CXCL13: variants seen among roughly 807,000 people sequenced by gnomAD.
The protein encoded by CXCL13 is C-X-C motif chemokine ligand 13.
A neutral mutation model predicts 12.2 loss-of-function variants in CXCL13; 7 were observed. The ratio of observed to expected loss-of-function variants is 0.57; its 90% confidence interval spans 0.33 to 1.07. The LOEUF (loss-of-function observed/expected upper bound fraction) is 1.07. Among genes scored for constraint, CXCL13 ranks in the 50% least tolerant of loss-of-function variants. The pLI is 0.04. For synonymous variants in CXCL13, 47 were observed against 42.4 expected (o/e 1.11, Z -0.42); for missense variants, 113 against 127.4 (o/e 0.89, Z 0.55).
chr4:77,562,282 C>T (rs972119573), intron 1 of CXCL13, among the ~76,000 whole-genome samples: 13 of 151,522 alleles, frequency 8.6e-5, no homozygotes, highest in Admixed American at 7.9e-4. Context: ...GCCCCCTGCT[C>T]TGCTGCGCTG....
chr4:77,574,246 C>A (rs771613976), intron 1 of CXCL13, among the ~76,000 whole-genome samples: 4 of 151,716 alleles, frequency 2.6e-5, no homozygotes, highest in African/African-American at 4.9e-5. Flanking sequence ...CTTCAATGTC[C>A]CATGAGAGGA....
chr4:77,601,494 T>C (rs2046690843), upstream of CXCL13, among the ~76,000 whole-genome samples: 1 of 152,128 alleles, frequency 6.6e-6, no homozygotes, highest in Non-Finnish European at 1.5e-5. Context: ...AAGTAACTTG[T>C]GAGGAGAGTA....
intron 1 of CXCL13, among the ~76,000 whole-genome samples, chr4:77,519,366 G>A (rs963271893): frequency 6.6e-5 from 10 of 152,170 alleles, no homozygotes; most frequent in Non-Finnish European, 1.2e-4. Flanking sequence ...CGTCACTCAC[G>A]CTGGGAGCTG....
intron 1 of CXCL13, among the ~76,000 whole-genome samples, chr4:77,549,736 G>A (rs965715225): frequency 1.3e-5 from 2 of 152,192 alleles, no homozygotes; most frequent in Admixed American, 6.5e-5. Context: ...GCACCCAGCT[G>A]TATGAGGTGT....
intron 1 of CXCL13, among the ~76,000 whole-genome samples, chr4:77,558,309 T>A (rs144326939): frequency 3.5e-4 from 54 of 152,268 alleles, no homozygotes; most frequent in Middle Eastern, 3.4e-3. Flanking sequence ...CTGCATTGCC[T>A]TTGAGCAAGG....
chr4:77,601,799 C>CA (rs1726884819), upstream of CXCL13, among the ~76,000 whole-genome samples: 1 of 152,232 alleles, frequency 6.6e-6, no homozygotes. Flanking sequence ...GTAACCTACA[C>CA]AATCCCCTGA....
intron 1 of CXCL13, among the ~76,000 whole-genome samples, chr4:77,582,668 G>A (rs1560532744): frequency 6.6e-6 from 1 of 152,168 alleles, no homozygotes; most frequent in Admixed American, 6.5e-5. Flanking sequence ...TTATCCTAAA[G>A]CCAATAGTAA....
intron 1 of CXCL13, among the ~76,000 whole-genome samples, chr4:77,542,807 A>G (rs1168594267): frequency 6.6e-6 from 1 of 152,056 alleles, no homozygotes; most frequent in African/African-American, 2.4e-5. Flanking sequence ...TTAATCAGGG[A>G]TATTGGCCTA....
upstream of CXCL13, among the ~76,000 whole-genome samples, chr4:77,602,981 T>C (rs1417235468): frequency 6.6e-6 from 1 of 152,148 alleles, no homozygotes; most frequent in Non-Finnish European, 1.5e-5. Flanking sequence ...ATAAGCTAAA[T>C]CCAGAGCTCT....
chr4:77,587,115 C>G (rs528246064), intron 1 of CXCL13, among the ~76,000 whole-genome samples: 3 of 152,158 alleles, frequency 2.0e-5, no homozygotes, highest in Non-Finnish European at 2.9e-5. Context: ...TATAATGCAG[C>G]CCAGACATCC....
At chr4:77,528,563 G>A (rs1403364366) in intron 1 of CXCL13, among the ~76,000 whole-genome samples, 1 of 152,178 alleles carries the variant, frequency 6.6e-6, no homozygotes, top group Non-Finnish European at 1.5e-5. Context: ...GCTTTTGGCT[G>A]CATAAATGTC....
intron 1 of CXCL13, among the ~76,000 whole-genome samples, chr4:77,524,394 G>A (rs1341390408): frequency 1.3e-5 from 2 of 152,178 alleles, no homozygotes; most frequent in African/African-American, 2.4e-5. Context: ...CACCCAGGTC[G>A]AGCTTCCCAG....
Position 77,545,824 on chromosome 4 carries a change from A to C in CXCL13, c.-43+34036A>C, listed in dbSNP as rs571465822. 3.8e-3 allele frequency among the ~76,000 whole-genome samples: 583 copies of C among 152,168 alleles called. 3 individuals carry two copies. Among genetic ancestry groups the C allele is most frequent in the African/African-American group, 0.012 (511 of 41,516 alleles). ...TGAGAGAGGGCATCCCTGTCTTGTG[A>C]CAGTTTTCAAAGGGAATGCTTCCAG... is the stretch of plus-strand genomic sequence containing the variant. On this transcript the variant is annotated intron_variant, in intron 1 of 4. Coordinates refer to the CXCL13 transcript ENST00000286758.
At chr4:77,565,751 G>A (rs1469455468) in intron 1 of CXCL13, among the ~76,000 whole-genome samples, 1 of 152,096 alleles carries the variant, frequency 6.6e-6, no homozygotes, top group Non-Finnish European at 1.5e-5. Flanking sequence ...CATGACGATG[G>A]TCACTTTCTA....
chr4:77,543,170 C>G (rs1222152396), intron 1 of CXCL13, among the ~76,000 whole-genome samples: 1 of 151,892 alleles, frequency 6.6e-6, no homozygotes, highest in African/African-American at 2.4e-5. Context: ...ATAATAGTCT[C>G]TAAGGGCTTT....
At chr4:77,524,376 G>A (rs1183264237) in intron 1 of CXCL13, among the ~76,000 whole-genome samples, 1 of 152,206 alleles carries the variant, frequency 6.6e-6, no homozygotes, top group African/African-American at 2.4e-5. Context: ...CTGAGCTGTG[G>A]TGGGCTCCAC....
upstream of CXCL13, among the ~76,000 whole-genome samples, chr4:77,602,379 G>A (rs1446777765): frequency 1.3e-5 from 2 of 152,176 alleles, no homozygotes; most frequent in Non-Finnish European, 2.9e-5. Flanking sequence ...ACATATCTCT[G>A]AAGATAATTT....
At chr4:77,573,363 TG>T (rs1416864811) in intron 1 of CXCL13, among the ~76,000 whole-genome samples, 807 of 7,260 alleles carry the variant, frequency 0.11, 4 homozygotes, top group Non-Finnish European at 0.12. Context: ...TTGGGTCTTT[TG>T]TGTGTGTGTG....
At chr4:77,558,424 C>T (rs1189720972) in intron 1 of CXCL13, among the ~76,000 whole-genome samples, 1 of 152,170 alleles carries the variant, frequency 6.6e-6, no homozygotes, top group African/African-American at 2.4e-5. Flanking sequence ...GCAATCTCAG[C>T]TCACTGCAAC....
Sources: gnomAD v4.1 joint callset for allele counts (sites outside exome capture counted in the v4.1 genomes callset) on GRCh38, gnomAD v4.1.1 for gene constraint, MANE v1.5 for transcripts, NCBI Gene and HGNC (gene_info 2026-07-23, HGNC 2026-07-21) for gene names.